Variants in WFDC11 observed in about 807,000 individuals in gnomAD.
The protein encoded by WFDC11 is WAP four-disulfide core domain 11, also known as protein WFDC11.
Under a neutral mutation model 9.9 loss-of-function variants are expected in WFDC11, and 9 were observed. The ratio of observed to expected loss-of-function variants is 0.91; its 90% CI spans 0.55 to 1.58. The LOEUF is 1.58. Ranked by LOEUF, WFDC11 falls within the 40% of genes most tolerant of loss-of-function variation. The probability of loss-of-function intolerance (pLI) is 0.00; values close to 1 mark genes in which losing one functional copy is unlikely to be tolerated. For missense variants in WFDC11, 106 were observed against 101.7 expected, an observed-to-expected ratio of 1.04 and a Z score of -0.18; for synonymous variants, 32 against 33.3, an observed-to-expected ratio of 0.96 and a Z score of 0.13.
intron 2 of WFDC11, among the ~76,000 whole-genome samples, chr20:45,663,771 G>A (rs6017644): frequency 0.63 from 96,427 of 152,076 alleles, 31,369 homozygotes; most frequent in East Asian, 0.98. Context: ...TTCTAATTTG[G>A]TTGCACTGTG....
chr20:45,656,286 T>A (rs1372578896), intron 2 of WFDC11, among the ~76,000 whole-genome samples: 1 of 151,760 alleles, frequency 6.6e-6, no homozygotes, highest in African/African-American at 2.4e-5. Context: ...ACACCACACA[T>A]CTACAACCAT....
At chr20:45,658,324 A>G (rs943201033) in intron 2 of WFDC11, among the ~76,000 whole-genome samples, 1 of 152,210 alleles carries the variant, frequency 6.6e-6, no homozygotes, top group Non-Finnish European at 1.5e-5. Flanking sequence ...TCTGAGATGT[A>G]TCCATCTTGT....
intron 2 of WFDC11, among the ~76,000 whole-genome samples, chr20:45,655,786 A>G (rs994968616): frequency 6.6e-6 from 1 of 152,200 alleles, no homozygotes; most frequent in South Asian, 2.1e-4. Flanking sequence ...TTATACACCA[A>G]TAACAGACAA....
intron 2 of WFDC11, among the ~76,000 whole-genome samples, chr20:45,662,693 T>C (rs190915803): frequency 6.6e-5 from 10 of 152,314 alleles, no homozygotes; most frequent in Admixed American, 5.2e-4. Flanking sequence ...GGTTTTTGTC[T>C]TTGGTTCTGT....
intron 2 of WFDC11, among the ~76,000 whole-genome samples, chr20:45,660,124 C>T (rs994023255): frequency 1.1e-4 from 16 of 152,128 alleles, no homozygotes; most frequent in Admixed American, 7.2e-4. Flanking sequence ...AATTTGTGCT[C>T]TTTCAGTCTT....
chr20:45,663,682 T>G (rs529329005), intron 2 of WFDC11, among the ~76,000 whole-genome samples: 175 of 152,252 alleles, frequency 1.1e-3, no homozygotes, highest in African/African-American at 3.9e-3. Flanking sequence ...ATTTTGTTAT[T>G]TACCTAGTAG....
intron 1 of WFDC11, among the ~76,000 whole-genome samples, chr20:45,669,264 TTTCAC>T (rs1317998218): frequency 6.6e-6 from 1 of 152,186 alleles, no homozygotes; most frequent in Non-Finnish European, 1.5e-5. Context: ...GGGTAACTCA[TTTCAC>T]TTCTGGAAAA....
chr20:45,659,940 G>C (rs1311386650), intron 2 of WFDC11, among the ~76,000 whole-genome samples: 1 of 152,142 alleles, frequency 6.6e-6, no homozygotes, highest in African/African-American at 2.4e-5. Flanking sequence ...TGGCTGGCCA[G>C]TTTTCCCAGC....
At chr20:45,659,897 T>G (rs1182584691) in intron 2 of WFDC11, among the ~76,000 whole-genome samples, 3 of 152,098 alleles carry the variant, frequency 2.0e-5, no homozygotes, top group African/African-American at 7.2e-5. Context: ...TGTATAAGGT[T>G]AAGAAAAGGA....
chr20:45,656,648 C>A (rs1600938577), intron 2 of WFDC11, among the ~76,000 whole-genome samples: 1 of 151,750 alleles, frequency 6.6e-6, no homozygotes, highest in African/African-American at 2.4e-5. Context: ...AGTGAACAGG[C>A]AACCTACAGA....
chr20:45,663,745 G>T (rs1333716193), intron 2 of WFDC11, among the ~76,000 whole-genome samples: 2 of 152,210 alleles, frequency 1.3e-5, no homozygotes, highest in African/African-American at 4.8e-5. Flanking sequence ...TTTTGAGTGA[G>T]TTTCTTAATC....
At chr20:45,656,021 T>A (rs879433973) in intron 2 of WFDC11, among the ~76,000 whole-genome samples, 1 of 152,118 alleles carries the variant, frequency 6.6e-6, no homozygotes, top group Non-Finnish European at 1.5e-5. Context: ...AGGTAAATTA[T>A]AGATTCAATG....
rs1164916428 is a variant in WFDC11, at chr20:45,650,587, A to G, written c.14T>C (p.Met5Thr). The G allele has an allele frequency of 2.5e-6, 4 of 1,614,140 alleles. No homozygotes were observed. In the South Asian group the frequency reaches 4.4e-5, roughly 18 times the overall value. Residue 5 changes from methionine to threonine, a missense_variant, in exon 3 of 5, where the codon ATG becomes ACG. Transcript: ENST00000324384. ...CATGAGCATGGGTATCCAGAGCTTCATGAGGCTGACCATATGTGTCTGAAT... is the reference window on the plus strand; with the variant it reads ...CATGAGCATGGGTATCCAGAGCTTCGTGAGGCTGACCATATGTGTCTGAAT... MVSL[M>T]KLWIPMLMTF...
chr20:45,661,551 G>A (rs1279807600), intron 2 of WFDC11, among the ~76,000 whole-genome samples: 1 of 152,104 alleles, frequency 6.6e-6, no homozygotes, highest in Non-Finnish European at 1.5e-5. Flanking sequence ...ATGGTTTTAG[G>A]TATAACGTTT....
chr20:45,659,533 T>A (rs962512581), intron 2 of WFDC11, among the ~76,000 whole-genome samples: 1 of 152,266 alleles, frequency 6.6e-6, no homozygotes, highest in Non-Finnish European at 1.5e-5. Flanking sequence ...TCTGTTCATA[T>A]CCTTCGCCTA....
chr20:45,650,219 C>T (rs200980577), intron 3 of WFDC11, among the ~76,000 whole-genome samples: 3 of 85,418 alleles, frequency 3.5e-5, no homozygotes, highest in Admixed American at 1.7e-4. Flanking sequence ...TATACACACA[C>T]ACACACACAC....
At chr20:45,663,144 C>T (rs940844479) in intron 2 of WFDC11, among the ~76,000 whole-genome samples, 1 of 152,142 alleles carries the variant, frequency 6.6e-6, no homozygotes, top group Non-Finnish European at 1.5e-5. Flanking sequence ...CTGGTTTAGA[C>T]TTGGGAGGGT....
At chr20:45,652,563 A>G (rs576992544) in intron 2 of WFDC11, among the ~76,000 whole-genome samples, 6 of 152,244 alleles carry the variant, frequency 3.9e-5, no homozygotes, top group Non-Finnish European at 5.9e-5. Flanking sequence ...CTCACCAGCA[A>G]TGGAACAAAG....
chr20:45,668,443 G>C (rs1803683325), intron 1 of WFDC11, among the ~76,000 whole-genome samples: 1 of 151,338 alleles, frequency 6.6e-6, no homozygotes, highest in Admixed American at 6.6e-5. Context: ...CCTATTCCTG[G>C]GACCCCTCAT....
Sources: allele counts gnomAD v4.1 joint callset (sites outside exome capture counted in the v4.1 genomes callset), GRCh38; gene constraint gnomAD v4.1.1; transcripts MANE v1.5; gene names NCBI Gene and HGNC (gene_info 2026-07-23, HGNC 2026-07-21).